FBXL13: variants seen among roughly 807,000 people sequenced by gnomAD.
FBXL13 encodes F-box and leucine rich repeat protein 13, also known as F-box and leucine-rich repeat protein 13.
FBXL13 carries 67 observed loss-of-function variants against 83.6 expected under a neutral mutation model. The observed-to-expected ratio is 0.80, with a 90% confidence interval of 0.66 to 0.98. FBXL13 has a LOEUF of 0.98. Among genes scored for constraint, FBXL13 ranks in the 50% least tolerant of loss-of-function variants. FBXL13 has a pLI of 0.00. For synonymous variants in FBXL13, 272 were observed against 299.5 expected (o/e 0.91, Z 0.95); for missense variants, 822 against 866.5 (o/e 0.95, Z 0.64).
rs979834742 is a variant in FBXL13 at position 103,022,874 on chromosome 7, G to C, written c.495+2189C>G. ...CTAGCAGCAAAAGAAACTATCAACA[G>C]AATAAACAGACAACCTATAGAATGG... On this transcript the variant is annotated intron_variant, in intron 6 of 19. Coordinates refer to ENST00000313221, the Ensembl canonical transcript of FBXL13. Among the ~76,000 whole-genome samples the C allele has an allele frequency of 4.6e-5, 7 of 152,072 alleles. No homozygotes were observed. The South Asian group carries it at 8.3e-4, about 18-fold the overall frequency.
chr7:103,027,358 A>C, intron 5 of FBXL13, 91 bp downstream of exon 6: 1 of 758,948 alleles, frequency 1.3e-6, no homozygotes, highest in East Asian at 2.6e-5. Flanking sequence ...TCAGGATTTT[A>C]GTATTTTCCA....
intron 14 of FBXL13, among the ~76,000 whole-genome samples, chr7:102,882,444 G>A (rs1446814606): frequency 6.6e-6 from 1 of 151,948 alleles, no homozygotes; most frequent in East Asian, 1.9e-4. Context: ...GCTACCCACT[G>A]GGGAACAGGT....
chr7:102,888,195 G>A (rs1240321296), intron 11 of FBXL13, among the ~76,000 whole-genome samples: 1 of 152,200 alleles, frequency 6.6e-6, no homozygotes, highest in Non-Finnish European at 1.5e-5. Context: ...AAATTTAGGA[G>A]TAAGATAAAG....
At chr7:103,007,430 G>A (rs1179258602) in intron 6 of FBXL13, among the ~76,000 whole-genome samples, 1 of 151,948 alleles carries the variant, frequency 6.6e-6, no homozygotes, top group Non-Finnish European at 1.5e-5. Context: ...AGAGGATGAT[G>A]GAATTATATG....
At chr7:103,005,251 A>T (rs78871321) in intron 6 of FBXL13, among the ~76,000 whole-genome samples, 1 of 152,324 alleles carries the variant, frequency 6.6e-6, no homozygotes, top group African/African-American at 2.4e-5. Flanking sequence ...GAGAACAGAA[A>T]AGGAAGCAAA....
chr7:103,015,932 G>C (rs1200298141), intron 6 of FBXL13, among the ~76,000 whole-genome samples: 1 of 151,936 alleles, frequency 6.6e-6, no homozygotes, highest in African/African-American at 2.4e-5. Context: ...CAGGAATACA[G>C]CTCTAACCAG....
chr7:102,934,900 A>G (rs964104272), intron 8 of FBXL13, among the ~76,000 whole-genome samples: 7 of 152,222 alleles, frequency 4.6e-5, no homozygotes, highest in African/African-American at 1.7e-4. Context: ...GGAAGGAGGT[A>G]TCCTCAGGAG....
chr7:102,918,138 A>G (rs1425859727), intron 10 of FBXL13, among the ~76,000 whole-genome samples: 6 of 152,242 alleles, frequency 3.9e-5, no homozygotes. Context: ...TACAGTTTCG[A>G]GAACATTTTT....
At chr7:102,885,661 G>A (rs1810696503) in intron 11 of FBXL13, among the ~76,000 whole-genome samples, 1 of 152,044 alleles carries the variant, frequency 6.6e-6, no homozygotes, top group Non-Finnish European at 1.5e-5. Context: ...TGTTGTTCAT[G>A]CTTTTGGTGT....
chr7:102,823,374 G>A (rs1414499345), intron 18 of FBXL13, among the ~76,000 whole-genome samples: 1 of 152,112 alleles, frequency 6.6e-6, no homozygotes, highest in Non-Finnish European at 1.5e-5. Context: ...CATCACTGAT[G>A]GTTTAGATGT....
At chr7:102,913,006 A>G in intron 11 of FBXL13, 80 bp downstream of exon 12, 1 of 1,589,328 alleles carries the variant, frequency 6.3e-7, no homozygotes, top group Non-Finnish European at 8.6e-7. Flanking sequence ...CAGCATTAGT[A>G]TAACGTGAGG....
chr7:103,042,636 A>G (rs1795847139), intron 2 of FBXL13, among the ~76,000 whole-genome samples: 1 of 152,232 alleles, frequency 6.6e-6, no homozygotes, highest in South Asian at 2.1e-4. Context: ...AGACCAATGG[A>G]ACAGAATAGA....
chr7:103,065,849 G>A (rs537686089), intron 1 of FBXL13, among the ~76,000 whole-genome samples: 1 of 152,358 alleles, frequency 6.6e-6, no homozygotes, highest in South Asian at 2.1e-4. Context: ...TCACACTAGT[G>A]AGCAGACGCC....
intron 17 of FBXL13, among the ~76,000 whole-genome samples, chr7:102,847,811 G>GCACCC (rs1382774638): frequency 6.6e-6 from 1 of 152,088 alleles, no homozygotes; most frequent in Admixed American, 6.6e-5. Flanking sequence ...TTATAGGTGT[G>GCACCC]AACTACTGCA....
intron 1 of FBXL13, among the ~76,000 whole-genome samples, chr7:103,064,128 T>C (rs543514498): frequency 5.7e-4 from 87 of 152,302 alleles, no homozygotes; most frequent in African/African-American, 2.1e-3. Context: ...TTCCCAGGAC[T>C]AAGTGCTTCC....
rs775601131 is a variant in FBXL13, at chr7:102,883,589, G to A, written c.1204C>T (p.Leu402Phe). 4.3e-6 allele frequency: 7 copies of A among 1,609,584 alleles called. No individual in the cohort carries two copies. The Admixed American group carries it at 1.0e-4, about 23-fold the overall frequency. Residue 402 changes from leucine to phenylalanine, a missense_variant, in exon 13 of 20, where the codon CTC (leucine) becomes TTC (phenylalanine). Physicochemically the swap from Leu to Phe is conservative, Grantham distance 22 (BLOSUM62 0). Coordinates refer to ENST00000313221, the Ensembl canonical transcript of FBXL13. ...AGACCTTCAAATCGGATCTTTCTGAGTTTACAAGCAGAAAGAGCTCTGAAA... is the reference window on the plus strand; with the variant it reads ...AGACCTTCAAATCGGATCTTTCTGAATTTACAAGCAGAAAGAGCTCTGAAA...
intron 18 of FBXL13, among the ~76,000 whole-genome samples, chr7:102,828,676 A>C (rs2129446840): frequency 6.6e-6 from 1 of 152,338 alleles, no homozygotes; most frequent in South Asian, 2.1e-4. Context: ...GTTTACTCTC[A>C]TCTCCCAGTG....
At chr7:103,038,462 T>C (rs2045496929) in intron 2 of FBXL13, among the ~76,000 whole-genome samples, 1 of 152,326 alleles carries the variant, frequency 6.6e-6, no homozygotes, top group South Asian at 2.1e-4. Flanking sequence ...AGAGCAGTGA[T>C]TCTCTCAGCA....
At chr7:103,018,222 C>T (rs1242457043) in intron 6 of FBXL13, among the ~76,000 whole-genome samples, 1 of 152,108 alleles carries the variant, frequency 6.6e-6, no homozygotes, top group Non-Finnish European at 1.5e-5. Context: ...TCCAGCCAAA[C>T]TAAGCTTCAT....
Sources: gnomAD v4.1 joint callset for allele counts (sites outside exome capture counted in the v4.1 genomes callset) on GRCh38, gnomAD v4.1.1 for gene constraint, MANE v1.5 for transcripts, NCBI Gene and HGNC (gene_info 2026-07-23, HGNC 2026-07-21) for gene names.